The following GOT1 variants were observed in gnomAD, a reference collection of about 807,000 sequenced individuals.
GOT1 encodes the protein aspartate aminotransferase, cytoplasmic.
A neutral mutation model predicts 48.2 loss-of-function variants in GOT1; 25 were observed. The ratio of observed to expected loss-of-function variants is 0.52; its 90% CI spans 0.38 to 0.72. GOT1 has a LOEUF of 0.72. Among genes scored for constraint, GOT1 ranks in the 30% least tolerant of loss-of-function variants. The probability of loss-of-function intolerance (pLI) is 0.00; values close to 1 mark genes in which losing one functional copy is unlikely to be tolerated. For missense variants in GOT1, 380 were observed against 520.1 expected, an observed-to-expected ratio of 0.73 and a Z score of 2.62; for synonymous variants, 188 against 193.8, an observed-to-expected ratio of 0.97 and a Z score of 0.25.
At chr10:99,406,463 C>T (rs950069014) in intron 3 of GOT1, among the ~76,000 whole-genome samples, 3 of 152,138 alleles carry the variant, frequency 2.0e-5, no homozygotes, top group Non-Finnish European at 4.4e-5. Context: ...ATGATACTTC[C>T]TGCATCTACA....
In GOT1 at chr10:99,414,402, T is replaced by C. The variant is rs188970555; in HGVS notation, c.300+6222A>G. Among the ~76,000 whole-genome samples the C allele has an allele frequency of 2.4e-3, 361 of 152,312 alleles. 1 individual carries two copies. Among genetic ancestry groups the C allele is most frequent in the Non-Finnish European group, 4.3e-3 (292 of 68,028 alleles). On this transcript the variant is annotated intron_variant, in intron 2 of 8. Coordinates refer to ENST00000370508, the MANE Select transcript of GOT1 (RefSeq NM_002079.3). ...CAAGAAGAGCTACCTATCCTAAATA[T>C]ATATGCACCCAATACAGGAGCACCC...
At chr10:99,420,985 G>A (rs1021038314) in intron 1 of GOT1, among the ~76,000 whole-genome samples, 180 bp from the exon 2 acceptor site, 2 of 152,198 alleles carry the variant, frequency 1.3e-5, no homozygotes, top group African/African-American at 4.8e-5. Context: ...TGGGCTAGGT[G>A]CTGGGCAAAC....
intron 1 of GOT1, among the ~76,000 whole-genome samples, chr10:99,426,779 A>G (rs2033042113): frequency 6.6e-6 from 1 of 152,240 alleles, no homozygotes; most frequent in South Asian, 2.1e-4. Context: ...CAGCAAGAAG[A>G]AAAACTGAGG....
At chr10:99,416,952 G>A (rs1420951741) in intron 2 of GOT1, among the ~76,000 whole-genome samples, 2 of 152,160 alleles carry the variant, frequency 1.3e-5, no homozygotes, top group Admixed American at 6.5e-5. Flanking sequence ...AGACTTAAAT[G>A]TTAGACCTAA....
chr10:99,418,252 A>G (rs1191771809), intron 2 of GOT1, among the ~76,000 whole-genome samples: 1 of 152,010 alleles, frequency 6.6e-6, no homozygotes, highest in African/African-American at 2.4e-5. Context: ...AGGGAGGGCT[A>G]TGTTCCCAGG....
chr10:99,420,475 G>A (rs908095397), intron 2 of GOT1, 149 bp downstream of exon 2: 19 of 625,576 alleles, frequency 3.0e-5, no homozygotes, highest in African/African-American at 1.8e-4. Context: ...CATTATTTGC[G>A]CTATCAGGTT....
At chr10:99,409,791 CT>C (rs1166325479) in intron 2 of GOT1, among the ~76,000 whole-genome samples, 1 of 152,116 alleles carries the variant, frequency 6.6e-6, no homozygotes, top group Non-Finnish European at 1.5e-5. Flanking sequence ...CTGAAAATGA[CT>C]GAAAAAAATT....
chr10:99,411,116 G>A (rs1344778555), intron 2 of GOT1, among the ~76,000 whole-genome samples: 1 of 152,232 alleles, frequency 6.6e-6, no homozygotes, highest in South Asian at 2.1e-4. Flanking sequence ...AGCATGTGCT[G>A]AACTAGATGA....
intron 2 of GOT1, among the ~76,000 whole-genome samples, chr10:99,409,720 A>C (rs1269762368): frequency 6.6e-6 from 1 of 152,246 alleles, no homozygotes; most frequent in African/African-American, 2.4e-5. Flanking sequence ...CACAACAGGT[A>C]AGAAAAGCTT....
At chr10:99,430,337 C>T in intron 1 of GOT1, 111 bp downstream of exon 1, 5 of 1,605,554 alleles carry the variant, frequency 3.1e-6, no homozygotes, top group South Asian at 1.1e-5. Context: ...CGGCGCCGCC[C>T]TCTTCAGGCA....
At chr10:99,424,931 T>C (rs2033019774) in intron 1 of GOT1, among the ~76,000 whole-genome samples, 1 of 152,176 alleles carries the variant, frequency 6.6e-6, no homozygotes, top group Non-Finnish European at 1.5e-5. Context: ...CCAAGAATTT[T>C]TATTCCTATT....
intron 2 of GOT1, among the ~76,000 whole-genome samples, chr10:99,413,756 A>G (rs1453906890): frequency 2.6e-5 from 4 of 152,236 alleles, no homozygotes; most frequent in Non-Finnish European, 1.5e-5. Context: ...CAGAAACTCT[A>G]CAAGCCAGAA....
intron 8 of GOT1, among the ~76,000 whole-genome samples, chr10:99,401,663 T>C (rs557261861): frequency 6.1e-4 from 90 of 148,234 alleles, no homozygotes; most frequent in African/African-American, 2.2e-3. Context: ...CAAGACTCCA[T>C]CTCAAAAAAA....
At chr10:99,406,306 G>C in intron 3 of GOT1, 57 bp from the exon 4 acceptor site, 1 of 1,257,632 alleles carries the variant, frequency 8.0e-7, no homozygotes, top group South Asian at 1.2e-5. Context: ...GGCATGAGTG[G>C]AAAGGATGCA....
At position 99,397,987 on chromosome 10, in the gene GOT1, T is replaced by C. The variant is rs1288837375; in HGVS notation, c.1103-301A>G. Among the ~76,000 whole-genome samples the C allele has an allele frequency of 6.6e-6, 1 of 152,184 alleles. No homozygotes were observed. The highest frequency in any genetic ancestry group is 1.5e-5 in the Non-Finnish European group (1 of 68,030). On this transcript the variant is annotated intron_variant, in intron 8 of 8. Transcript: ENST00000370508. This position sits in a 1 kb window ranked among gnomAD's most constrained non-coding sequence, Gnocchi z 5.4. ...TACATTATATCCACCAGGACACCCC[T>C]ATCACCTAAAAACAACCATCAGACG...
Position 99,406,746 on chromosome 10 carries a change from TAGAC to T in GOT1, c.400_403del (p.Val134MetfsTer41), listed in dbSNP as rs778640993. The T allele has an allele frequency of 1.2e-6, 2 of 1,613,918 alleles. No individual in the cohort carries two copies. Among genetic ancestry groups the T allele is most frequent in the Non-Finnish European group, 8.5e-7 (1 of 1,179,830 alleles). On this transcript the variant is annotated frameshift_variant, in exon 3 of 9. Transcript: ENST00000370508. LOFTEE classifies it high-confidence loss of function. ...CTCACCCCAGGTTGGTGAGGACACA[TAGAC>T]AGGTGTGTTCTTGTTGTTTGTTCCA...
intron 2 of GOT1, among the ~76,000 whole-genome samples, chr10:99,414,893 C>T (rs1478754801): frequency 3.3e-5 from 5 of 151,666 alleles, no homozygotes; most frequent in Admixed American, 6.6e-5. Context: ...TTGAAACCAC[C>T]GAGAACAAAG....
intron 8 of GOT1, among the ~76,000 whole-genome samples, chr10:99,398,443 G>A (rs2032627255): frequency 6.6e-6 from 1 of 152,194 alleles, no homozygotes; most frequent in South Asian, 2.1e-4. Context: ...GCTGAGGCTG[G>A]TGGATTACCT....
chr10:99,408,776 A>T (rs1357306997), intron 2 of GOT1, among the ~76,000 whole-genome samples: 2 of 152,176 alleles, frequency 1.3e-5, no homozygotes, highest in Non-Finnish European at 2.9e-5. Context: ...AACAGTGGCA[A>T]CCTCTGGGGA....
Sources: allele counts gnomAD v4.1 joint callset (sites outside exome capture counted in the v4.1 genomes callset), GRCh38; gene constraint gnomAD v4.1.1; non-coding constraint Gnocchi (gnomAD v3.1); transcripts MANE v1.5; gene names NCBI Gene and HGNC (gene_info 2026-07-23, HGNC 2026-07-21).